TENM2: variants seen among roughly 807,000 people sequenced by gnomAD.
TENM2 encodes teneurin transmembrane protein 2.
TENM2 carries 52 observed loss-of-function variants against 245.2 expected under a neutral mutation model. That is an observed-to-expected ratio of 0.21 (90% CI 0.17 to 0.27). The LOEUF (loss-of-function observed/expected upper bound fraction) is 0.27. Among genes scored for constraint, TENM2 ranks in the 10% least tolerant of loss-of-function variants. The pLI, the probability that TENM2 is intolerant of heterozygous loss-of-function variation, is 1.00. For missense variants in TENM2, 3,046 were observed against 3,666.8 expected (o/e 0.83, Z 4.37); for synonymous variants, 1,363 against 1,438.9 (o/e 0.95, Z 1.19).
At chr5:167,101,677 C>T in the TENM2 span, among the ~76,000 whole-genome samples, 3 of 151,136 alleles carry the variant, frequency 2.0e-5, no homozygotes, top group Admixed American at 6.6e-5. Flanking sequence ...CCTCTTGGGC[C>T]TTCACTGACA....
chr5:167,772,950 C>T (rs982223359), intron 2 of TENM2, among the ~76,000 whole-genome samples: 16 of 152,060 alleles, frequency 1.1e-4, no homozygotes, highest in Non-Finnish European at 2.2e-4. Context: ...ATGGCTCAAC[C>T]AAACAGAGTC....
rs374747143 is a variant in TENM2 at position 167,784,974 on chromosome 5, T to G, written c.503-91012T>G. On this transcript the variant is annotated intron_variant, in intron 2 of 28. Coordinates refer to ENST00000518659, the Ensembl canonical transcript of TENM2. ...TCATCTATATCCTGTTGAATTAAGG[T>G]TTTTTTTTTTGAATTATTCTCTCTA... Among the ~76,000 whole-genome samples the G allele has an allele frequency of 1.5e-4, 5 of 32,652 alleles. No individual in the cohort carries two copies. The East Asian group carries it at 1.8e-3, about 12-fold the overall frequency. 21.4% of individuals were successfully genotyped at this position (32,652 alleles called of 152,430 possible). A position where few individuals can be genotyped will look rare whatever the true frequency, so the allele number is the denominator to read the frequency against.
intron 19 of TENM2, among the ~76,000 whole-genome samples, 184 bp downstream of exon 21, chr5:168,204,805 A>G (rs1014966865): frequency 6.6e-6 from 1 of 152,246 alleles, no homozygotes; most frequent in African/African-American, 2.4e-5. Context: ...GAAAAACCAT[A>G]CACAGATTTG....
intron 25 of TENM2, among the ~76,000 whole-genome samples, chr5:168,236,295 C>G (rs954391811): frequency 1.3e-5 from 2 of 152,116 alleles, no homozygotes; most frequent in African/African-American, 4.8e-5. Context: ...CTGGGCTGAG[C>G]CTCCATACCA....
intron 3 of TENM2, among the ~76,000 whole-genome samples, chr5:167,889,548 C>G (rs781629812): frequency 2.6e-5 from 4 of 152,242 alleles, no homozygotes; most frequent in East Asian, 1.9e-4. Flanking sequence ...TACCCACCCC[C>G]CTTTCACTCT....
chr5:168,084,789 C>T (rs545344421), intron 7 of TENM2, among the ~76,000 whole-genome samples: 15 of 152,324 alleles, frequency 9.8e-5, no homozygotes, highest in African/African-American at 3.6e-4. Flanking sequence ...CCCAGCAAAG[C>T]CATCCAGACC....
exon 9 of TENM2, chr5:168,098,035 A>T: frequency 6.2e-7 from 1 of 1,612,426 alleles, no homozygotes; most frequent in Non-Finnish European, 8.5e-7. Flanking sequence ...GATTCAGTGC[A>T]GGACTGTCCA....
intron 2 of TENM2, among the ~76,000 whole-genome samples, chr5:167,554,365 T>C (rs1436456384): frequency 6.6e-6 from 1 of 152,192 alleles, no homozygotes; most frequent in African/African-American, 2.4e-5. Context: ...GGAGTGATGA[T>C]TATTTTCATT....
At chr5:167,991,696 C>A (rs1334112094) in intron 4 of TENM2, among the ~76,000 whole-genome samples, 1 of 152,166 alleles carries the variant, frequency 6.6e-6, no homozygotes, top group East Asian at 1.9e-4. Context: ...ACACCTTATT[C>A]AATTGATAGG....
intron 1 of TENM2, among the ~76,000 whole-genome samples, chr5:167,350,132 C>CA (rs1278669209): frequency 6.6e-6 from 1 of 151,988 alleles, no homozygotes; most frequent in African/African-American, 2.4e-5. Flanking sequence ...TTGGAGCTTC[C>CA]AAAATCTGAG....
chr5:167,468,594 A>C (rs995125506), intron 2 of TENM2, among the ~76,000 whole-genome samples: 14 of 152,222 alleles, frequency 9.2e-5, no homozygotes, highest in Non-Finnish European at 1.6e-4. Flanking sequence ...GAAACCAAAA[A>C]TTTGCAGAGC....
chr5:168,079,881 C>G (rs1791825829), intron 7 of TENM2, among the ~76,000 whole-genome samples: 3 of 152,152 alleles, frequency 2.0e-5, no homozygotes, highest in Admixed American at 1.3e-4. Flanking sequence ...GGATGTTGGT[C>G]TAAAATTCTC....
chr5:167,471,869 T>A (rs1230691318), intron 2 of TENM2, among the ~76,000 whole-genome samples: 2 of 152,228 alleles, frequency 1.3e-5, no homozygotes, highest in African/African-American at 4.8e-5. Context: ...AGATTAAGTG[T>A]CAAGAGGCTG....
chr5:167,176,310 AAACGTAGCC>A, the TENM2 span, among the ~76,000 whole-genome samples: 1 of 152,170 alleles, frequency 6.6e-6, no homozygotes, highest in Non-Finnish European at 1.5e-5. Flanking sequence ...CTTCATGACT[AAACGTAGCC>A]CTTTACTTTT....
intron 2 of TENM2, among the ~76,000 whole-genome samples, chr5:167,446,793 G>GCACA (rs34343283): frequency 0.15 from 21,422 of 143,818 alleles, 1,707 homozygotes; most frequent in Non-Finnish European, 0.2. Flanking sequence ...TTTGAAACAC[G>GCACA]CACACACACA....
chr5:168,075,104 G>A (rs1353132092), intron 7 of TENM2, among the ~76,000 whole-genome samples: 1 of 152,024 alleles, frequency 6.6e-6, no homozygotes, highest in Non-Finnish European at 1.5e-5. Context: ...CCTTTCCCCT[G>A]AGGCCCCAAA....
At position 167,381,820 on chromosome 5, in the gene TENM2, G is replaced by A. The variant is rs543980709; in HGVS notation, c.502+6347G>A. Among the ~76,000 whole-genome samples, 16 of 152,286 alleles carry A rather than the reference G, an allele frequency of 1.1e-4. No individual in the cohort carries two copies. The South Asian group carries it at 1.5e-3, about 14-fold the overall frequency. On this transcript the variant is annotated intron_variant, in intron 2 of 28. Transcript: ENST00000518659. The stretch of plus-strand genomic sequence containing the variant: ...TTATGGGTTCATGTATTCAGAGCTA[G>A]AATGTTACTTCTTTTGGTAAGTTTG...
At chr5:167,638,093 GTGTGTGTGT>G (rs1561625830) in intron 2 of TENM2, among the ~76,000 whole-genome samples, 2 of 382 alleles carry the variant, frequency 5.2e-3, no homozygotes, top group African/African-American at 0.028. Context: ...CAGGGCAGGT[GTGTGTGTGT>G]GTGTGTGTGT....
At chr5:167,234,841 A>G in the TENM2 span, among the ~76,000 whole-genome samples, 4 of 152,070 alleles carry the variant, frequency 2.6e-5, no homozygotes, top group African/African-American at 9.7e-5. Context: ...TCCCCCTTCC[A>G]TTTTTTATAT....
Sources: gnomAD v4.1 joint callset for allele counts (sites outside exome capture counted in the v4.1 genomes callset) on GRCh38, gnomAD v4.1.1 for gene constraint, MANE v1.5 for transcripts, NCBI Gene and HGNC (gene_info 2026-07-23, HGNC 2026-07-21) for gene names.